Variants in HDAC4 observed in about 807,000 individuals in gnomAD.
The protein encoded by HDAC4 is histone deacetylase 4.
In HDAC4, 16 loss-of-function variants were observed where a neutral mutation model predicts 135.1. The ratio of observed to expected loss-of-function variants is 0.12; its 90% CI spans 0.08 to 0.18. The LOEUF is 0.18. Among genes scored for constraint, HDAC4 ranks in the 10% least tolerant of loss-of-function variants. The pLI is 1.00. For missense variants in HDAC4, 1,143 were observed against 1,511.8 expected, an observed-to-expected ratio of 0.76 and a Z score of 4.05; for synonymous variants, 685 against 653.4, an observed-to-expected ratio of 1.05 and a Z score of -0.74.
chr2:239,196,011 G>A (rs545134432), intron 3 of HDAC4, among the ~76,000 whole-genome samples: 2 of 152,320 alleles, frequency 1.3e-5, no homozygotes, highest in South Asian at 4.1e-4. Flanking sequence ...AGAAAAAGAG[G>A]CACTATTCTT....
chr2:239,358,338 C>T (rs1210156861), intron 1 of HDAC4, among the ~76,000 whole-genome samples: 1 of 152,224 alleles, frequency 6.6e-6, no homozygotes, highest in African/African-American at 2.4e-5. Flanking sequence ...TGCTAAAGCG[C>T]CGGCCGTCGG....
chr2:239,067,652 C>T (rs1444394188), intron 23 of HDAC4, among the ~76,000 whole-genome samples: 1 of 152,194 alleles, frequency 6.6e-6, no homozygotes, highest in Non-Finnish European at 1.5e-5. Context: ...CTTTGCTGGC[C>T]ACTAGGCTGC....
intron 22 of HDAC4, among the ~76,000 whole-genome samples, chr2:239,072,987 G>A (rs903277802): frequency 1.3e-5 from 2 of 152,208 alleles, no homozygotes; most frequent in Admixed American, 6.5e-5. Flanking sequence ...AATGCTGGGA[G>A]CACGCGGTGC....
intron 1 of HDAC4, among the ~76,000 whole-genome samples, chr2:239,398,821 C>G (rs2126137277): frequency 6.6e-6 from 1 of 152,378 alleles, no homozygotes; most frequent in East Asian, 1.9e-4. Context: ...CACCCCGTCC[C>G]CTTAGCCCAG....
rs1010100278 is a variant in HDAC4, at chr2:239,308,682, C to G, written c.22+43996G>C. Among the ~76,000 whole-genome samples, 2 of 152,166 alleles carry G rather than the reference C, an allele frequency of 1.3e-5. No homozygotes were observed. The highest frequency in any genetic ancestry group is 2.4e-5 in the African/African-American group (1 of 41,432). On this transcript the variant is annotated intron_variant, in intron 2 of 26. Transcript: ENST00000543185. The surrounding 1 kb of genome is among the most constrained non-coding windows in gnomAD (Gnocchi z 4.2). ...TTAACAGGCCTCCGGGTGTCCCCCC[C>G]TTCCAGCCCAGTGCAGGGGTTCAGC... is the stretch of plus-strand genomic sequence containing the variant.
chr2:239,322,208 A>G (rs2053339694), intron 2 of HDAC4, among the ~76,000 whole-genome samples: 1 of 152,234 alleles, frequency 6.6e-6, no homozygotes, highest in South Asian at 2.1e-4. Context: ...GTGAAAGCTC[A>G]GCCTGCAACC....
rs2033817954 is a variant in HDAC4 at position 239,068,516 on chromosome 2, G to C, written c.2842C>G (p.Leu948Val). 1 of 1,613,720 alleles carries C rather than the reference G, an allele frequency of 6.2e-7. No individual in the cohort carries two copies. Among genetic ancestry groups the C allele is most frequent in the Admixed American group, 1.7e-5 (1 of 60,014 alleles). ...FDAVEGHPTP[L>V]GGYNLSARCF... ...CTGGCGGAGAGGTTGTAGCCCCCAA[G>C]AGGGGTGGGGTGGCCCTCCACGGCA... The change falls in exon 23 of 27, where the codon CTT (leucine) becomes GTT (valine). Residue 948 changes from leucine to valine, a missense_variant. This residue lies in a region of HDAC4 where 189 missense variants were observed against 317.6 expected (regional missense o/e 0.60). Coordinates refer to ENST00000543185, the MANE Select transcript of HDAC4 (RefSeq NM_001378414.1). The surrounding 1 kb of genome is among the most constrained non-coding windows in gnomAD (Gnocchi z 4.4).
chr2:239,098,945 C>G (rs1487220865), intron 16 of HDAC4, among the ~76,000 whole-genome samples: 2 of 152,288 alleles, frequency 1.3e-5, no homozygotes, highest in Admixed American at 6.5e-5. Flanking sequence ...CAGGAAAGAA[C>G]AAGAAATAGA....
At chr2:239,268,468 TAAAC>T (rs1288803546) in intron 2 of HDAC4, among the ~76,000 whole-genome samples, 1 of 152,262 alleles carries the variant, frequency 6.6e-6, no homozygotes, top group African/African-American at 2.4e-5. Context: ...ATCATGAAAG[TAAAC>T]AAATTTCTCT....
At chr2:239,254,633 T>C (rs986507574) in intron 2 of HDAC4, among the ~76,000 whole-genome samples, 1 of 152,066 alleles carries the variant, frequency 6.6e-6, no homozygotes, top group Non-Finnish European at 1.5e-5. Flanking sequence ...TAGGAAAAGA[T>C]AAAGGAGAGA....
intron 2 of HDAC4, among the ~76,000 whole-genome samples, chr2:239,250,961 G>C (rs2048752985): frequency 6.6e-6 from 1 of 152,200 alleles, no homozygotes; most frequent in African/African-American, 2.4e-5. Flanking sequence ...CCACACGCCT[G>C]GTTCACCTCG....
At chr2:239,384,560 T>C (rs1575789774) in intron 1 of HDAC4, among the ~76,000 whole-genome samples, 1 of 151,866 alleles carries the variant, frequency 6.6e-6, no homozygotes, top group South Asian at 2.1e-4. Flanking sequence ...AAGGCGGCAG[T>C]GAGCCATGAT....
intron 2 of HDAC4, among the ~76,000 whole-genome samples, chr2:239,243,631 G>A (rs754587135): frequency 1.3e-5 from 2 of 152,166 alleles, no homozygotes; most frequent in South Asian, 2.1e-4. Flanking sequence ...AAACAGTAAC[G>A]ACACAGTCTT....
intron 22 of HDAC4, among the ~76,000 whole-genome samples, chr2:239,077,329 C>T (rs2034863947): frequency 6.6e-6 from 1 of 152,258 alleles, no homozygotes; most frequent in Non-Finnish European, 1.5e-5. Flanking sequence ...TCTTCCAGGA[C>T]TCAGCTGGGG....
chr2:239,183,744 G>A (rs965065185), intron 4 of HDAC4, among the ~76,000 whole-genome samples: 13 of 152,190 alleles, frequency 8.5e-5, no homozygotes, highest in African/African-American at 3.1e-4. Flanking sequence ...TCCTGGCGCA[G>A]AGCCCTGGAT....
intron 1 of HDAC4, among the ~76,000 whole-genome samples, chr2:239,368,869 T>C (rs62182154): frequency 0.18 from 26,756 of 152,078 alleles, 2,550 homozygotes; most frequent in African/African-American, 0.25. Context: ...TACTCAAAAC[T>C]ATCGATGTCG....
chr2:239,246,788 A>G (rs939008381), intron 2 of HDAC4, among the ~76,000 whole-genome samples: 8 of 152,272 alleles, frequency 5.3e-5, no homozygotes, highest in African/African-American at 1.9e-4. Context: ...TAAGTGATTT[A>G]GCAAATCAGG....
At chr2:239,165,586 T>C (rs990843509) in intron 5 of HDAC4, among the ~76,000 whole-genome samples, 6 of 152,194 alleles carry the variant, frequency 3.9e-5, no homozygotes, top group Admixed American at 3.9e-4. Context: ...CTGGCCTGGT[T>C]CGGCCTCGCA....
rs1553617643 is a variant in HDAC4 at position 239,108,085 on chromosome 2, G to A, written c.2077C>T (p.Arg693Cys). 1.2e-6 allele frequency: 2 copies of A among 1,610,886 alleles called. No homozygotes were observed. The highest frequency in any genetic ancestry group is 1.7e-6 in the Non-Finnish European group (2 of 1,179,864). Residue 693 changes from arginine to cysteine, a missense_variant, in exon 15 of 27, where the codon CGC (arginine) becomes TGC (cysteine). Physicochemically the swap from Arg to Cys is radical, Grantham distance 180. Around this residue, in one of 9 missense-constraint regions of HDAC4, gnomAD observed 47 missense variants for 117.2 expected, o/e 0.40. Coordinates refer to ENST00000543185, the MANE Select transcript of HDAC4 (RefSeq NM_001378414.1). ...CCCCGGAGGCCCGTCTCCTGCAGGC[G>A]GGACCAGATGCTCTGGATCCTCCCG... is the stretch of plus-strand genomic sequence containing the variant. Reference protein sequence around the residue: ...HAGRIQSIWSRLQETGLRGKC... With the variant: ...HAGRIQSIWSCLQETGLRGKC...
Sources: gnomAD v4.1 joint callset for allele counts (sites outside exome capture counted in the v4.1 genomes callset) on GRCh38, gnomAD v4.1.1 for gene constraint, gnomAD v4.1.1 regional missense constraint, Gnocchi (gnomAD v3.1) non-coding constraint, MANE v1.5 for transcripts, NCBI Gene and HGNC (gene_info 2026-07-23, HGNC 2026-07-21) for gene names.